The following DIAPH2 variants were observed in gnomAD, a reference collection of about 807,000 sequenced individuals.
DIAPH2 encodes the protein protein diaphanous homolog 2.
In DIAPH2, 35 loss-of-function variants were observed where a neutral mutation model predicts 92.7. The observed-to-expected ratio is 0.38, with a 90% CI of 0.29 to 0.50. DIAPH2 has a LOEUF of 0.50. Ranked by LOEUF, DIAPH2 falls within the 20% of genes least tolerant of loss-of-function variation. The probability of loss-of-function intolerance (pLI) is 0.94; values close to 1 mark genes in which losing one functional copy is unlikely to be tolerated. For missense variants in DIAPH2, 701 were observed against 819.5 expected (o/e 0.86, Z 1.77); for synonymous variants, 301 against 280.4 (o/e 1.07, Z -0.73).
chrX:97,228,056 A>G (rs2067979471), intron 22 of DIAPH2, among the ~76,000 whole-genome samples: 1 of 110,590 alleles, frequency 9.0e-6, no homozygotes, highest in Non-Finnish European at 1.9e-5. Context: ...ATGTGCCATT[A>G]TGCTATGCTA....
intron 23 of DIAPH2, among the ~76,000 whole-genome samples, chrX:97,282,110 TAATTTGTCA>T (rs2068502865): frequency 9.0e-6 from 1 of 111,167 alleles, no homozygotes; most frequent in Non-Finnish European, 1.9e-5. Context: ...GTGGAAAAAC[TAATTTGTCA>T]AATTATACCC....
At chrX:97,127,816 A>G (rs183592910) in intron 21 of DIAPH2, among the ~76,000 whole-genome samples, 1 of 112,251 alleles carries the variant, frequency 8.9e-6, no homozygotes, top group African/African-American at 3.2e-5. Flanking sequence ...AGACTGGCCT[A>G]GGCAACATGG....
At chrX:97,309,530 A>G (rs1282320192) in intron 23 of DIAPH2, among the ~76,000 whole-genome samples, 2 of 112,191 alleles carry the variant, frequency 1.8e-5, no homozygotes, top group Non-Finnish European at 3.8e-5. Flanking sequence ...TTTGTCATAT[A>G]AGAACCTAAA....
chrX:97,334,769 T>G (rs2069037643), intron 23 of DIAPH2, among the ~76,000 whole-genome samples: 1 of 105,555 alleles, frequency 9.5e-6, no homozygotes, highest in Non-Finnish European at 1.9e-5. Context: ...GATCACAAGG[T>G]CAGGAGTTTG....
At chrX:97,253,519 G>A (rs1033367651) in intron 23 of DIAPH2, among the ~76,000 whole-genome samples, 2 of 109,699 alleles carry the variant, frequency 1.8e-5, no homozygotes, top group South Asian at 3.9e-4. Context: ...AGGCCGAGGC[G>A]GGTGGATGAC....
chrX:97,561,527 C>T (rs1438004616), intron 26 of DIAPH2, among the ~76,000 whole-genome samples: 1 of 112,253 alleles, frequency 8.9e-6, no homozygotes, highest in East Asian at 2.8e-4. Flanking sequence ...TCTTTTAAAT[C>T]GCCCTGTACC....
intron 22 of DIAPH2, among the ~76,000 whole-genome samples, chrX:97,163,346 C>A (rs945160653): frequency 9.1e-6 from 1 of 110,385 alleles, no homozygotes; most frequent in African/African-American, 3.3e-5. Flanking sequence ...CATGGCACCA[C>A]GCCTGGCTGA....
At chrX:97,045,356 T>C (rs2066474228) in intron 17 of DIAPH2, among the ~76,000 whole-genome samples, 1 of 111,821 alleles carries the variant, frequency 8.9e-6, no homozygotes, top group Non-Finnish European at 1.9e-5. Context: ...AAATGTTGTT[T>C]GGTAAGTAGT....
chrX:96,927,073 T>C (rs895747365), intron 9 of DIAPH2, among the ~76,000 whole-genome samples: 5 of 111,428 alleles, frequency 4.5e-5, no homozygotes, highest in South Asian at 3.7e-4. Flanking sequence ...TTGTGCGATA[T>C]AATGTGGTAG....
intron 25 of DIAPH2, among the ~76,000 whole-genome samples, chrX:97,387,229 G>A (rs1468128955): frequency 9.0e-6 from 1 of 111,214 alleles, no homozygotes; most frequent in African/African-American, 3.3e-5. Flanking sequence ...AGGTTATGAG[G>A]ATATTGTCAT....
intron 17 of DIAPH2, among the ~76,000 whole-genome samples, chrX:96,988,775 G>T (rs779311761): frequency 9.0e-6 from 1 of 111,090 alleles, no homozygotes; most frequent in South Asian, 3.8e-4. Flanking sequence ...TTACTTTTCT[G>T]TCTATGTTTA....
chrX:97,467,055 T>C (rs1362459577), intron 26 of DIAPH2, among the ~76,000 whole-genome samples: 4 of 112,291 alleles, frequency 3.6e-5, no homozygotes, highest in Non-Finnish European at 5.6e-5. Flanking sequence ...ATCACTCTAG[T>C]TTCTAAGAGG....
At chrX:96,969,122 C>T (rs963957253) in intron 17 of DIAPH2, among the ~76,000 whole-genome samples, 9 of 112,215 alleles carry the variant, frequency 8.0e-5, no homozygotes, top group Non-Finnish European at 1.1e-4. Flanking sequence ...GTTTTGGTTA[C>T]GGTAGCCTTG....
chrX:97,239,260 T>C (rs1406870158), intron 22 of DIAPH2, among the ~76,000 whole-genome samples: 3 of 112,020 alleles, frequency 2.7e-5, no homozygotes, highest in Admixed American at 9.6e-5. Flanking sequence ...ATGTATCTTA[T>C]ACTTTACCTT....
intron 26 of DIAPH2, among the ~76,000 whole-genome samples, chrX:97,501,827 G>C (rs1385914676): frequency 9.0e-6 from 1 of 111,561 alleles, no homozygotes; most frequent in Non-Finnish European, 1.9e-5. Context: ...TTTTGAGACA[G>C]AGTCTCACTC....
chrX:97,521,300 A>T (rs991972934), intron 26 of DIAPH2, among the ~76,000 whole-genome samples: 3 of 112,164 alleles, frequency 2.7e-5, no homozygotes, highest in African/African-American at 9.7e-5. Flanking sequence ...TAGCATTCCA[A>T]ATGAACTAGA....
At chrX:97,535,152 G>A (rs2071086252) in intron 26 of DIAPH2, among the ~76,000 whole-genome samples, 1 of 111,861 alleles carries the variant, frequency 8.9e-6, no homozygotes, top group Non-Finnish European at 1.9e-5. Context: ...TAAAAACTAA[G>A]GAAATTTGCA....
chrX:97,110,840 G>A (rs1440284742), intron 20 of DIAPH2, among the ~76,000 whole-genome samples: 2 of 110,962 alleles, frequency 1.8e-5, no homozygotes, highest in East Asian at 2.8e-4. Flanking sequence ...AAAATTAGCC[G>A]GGCATGGTGG....
At chrX:97,112,765 C>CTTTCTTTTTTTT (rs2066989802) in intron 20 of DIAPH2, among the ~76,000 whole-genome samples, 3 of 37,234 alleles carry the variant, frequency 8.1e-5, no homozygotes, top group African/African-American at 3.6e-4. Flanking sequence ...CCCTTTCTTT[C>CTTTCTTTTTTTT]TTTTTTTTTT....
Sources: allele counts gnomAD v4.1 joint callset (sites outside exome capture counted in the v4.1 genomes callset), GRCh38; gene constraint gnomAD v4.1.1; transcripts MANE v1.5; gene names NCBI Gene and HGNC (gene_info 2026-07-23, HGNC 2026-07-21).